Variants in MEI4 observed in about 807,000 individuals in gnomAD.
The protein encoded by MEI4 is meiotic double-stranded break formation protein 4, also known as meiosis-specific protein MEI4.
Under a neutral mutation model 31.4 loss-of-function variants are expected in MEI4, and 27 were observed. The ratio of observed to expected loss-of-function variants is 0.86; its 90% CI spans 0.63 to 1.19. The LOEUF is 1.19. Among genes scored for constraint, MEI4 ranks in the 50% most tolerant of loss-of-function variants. The probability of loss-of-function intolerance (pLI) is 0.00; values close to 1 mark genes in which losing one functional copy is unlikely to be tolerated. For missense variants in MEI4, 329 were observed against 398.9 expected, an observed-to-expected ratio of 0.82 and a Z score of 1.49; for synonymous variants, 122 against 145.4, an observed-to-expected ratio of 0.84 and a Z score of 1.16.
chr6:77,716,111 T>C (rs1766577345), intron 2 of MEI4, among the ~76,000 whole-genome samples: 1 of 152,188 alleles, frequency 6.6e-6, no homozygotes, highest in South Asian at 2.1e-4. Flanking sequence ...TGCAATACAC[T>C]GGCAAAACAG....
intron 3 of MEI4, among the ~76,000 whole-genome samples, chr6:77,826,973 T>G (rs1156560499): frequency 3.9e-5 from 6 of 152,142 alleles, no homozygotes; most frequent in Admixed American, 3.9e-4. Context: ...GGTAAACATA[T>G]AGGTCAAAAT....
chr6:77,659,602 C>G (rs929337534), intron 1 of MEI4, among the ~76,000 whole-genome samples: 6 of 151,888 alleles, frequency 4.0e-5, no homozygotes, highest in African/African-American at 1.2e-4. Context: ...TATAAGTAAA[C>G]GAGAAGAGGG....
intron 2 of MEI4, among the ~76,000 whole-genome samples, chr6:77,704,804 A>T (rs893848986): frequency 1.3e-5 from 2 of 152,176 alleles, no homozygotes; most frequent in Non-Finnish European, 2.9e-5. Flanking sequence ...TGAATGATTC[A>T]AACACCCAAG....
Position 77,804,156 on chromosome 6 carries a change from C to G in MEI4, c.769-24775C>G, listed in dbSNP as rs376177183. Among the ~76,000 whole-genome samples, 24 of 152,316 alleles carry G rather than the reference C, an allele frequency of 1.6e-4. No individual in the cohort carries two copies. The East Asian group carries it at 1.9e-3, about 12-fold the overall frequency. On this transcript the variant is annotated intron_variant, in intron 3 of 4. Coordinates refer to ENST00000684080, the MANE Select transcript of MEI4 (RefSeq NM_001322247.2). ...TTCCTGGTGGCTTTGTTTACCTACT[C>G]AAGCCTCAGCAATGGCGGACGCCCC...
intron 3 of MEI4, among the ~76,000 whole-genome samples, chr6:77,780,594 T>C (rs1383563203): frequency 6.6e-6 from 1 of 152,088 alleles, no homozygotes; most frequent in Non-Finnish European, 1.5e-5. Context: ...TCTTTGACCT[T>C]CTCCTGGTTT....
intron 4 of MEI4, among the ~76,000 whole-genome samples, chr6:77,836,807 A>G (rs1457631838): frequency 6.6e-6 from 1 of 152,124 alleles, no homozygotes; most frequent in Non-Finnish European, 1.5e-5. Context: ...TCAGTCAGCA[A>G]TCAATCCATC....
At chr6:77,746,155 C>A in intron 2 of MEI4, among the ~76,000 whole-genome samples, 1 of 152,124 alleles carries the variant, frequency 6.6e-6, no homozygotes. Context: ...ACACAAAAAA[C>A]CCTTCAAAAA....
Position 77,719,027 on chromosome 6 carries a change from T to A in MEI4, c.232+28124T>A, listed in dbSNP as rs1397764698. On this transcript the variant is annotated intron_variant, in intron 2 of 4. Coordinates refer to ENST00000684080, the MANE Select transcript of MEI4 (RefSeq NM_001322247.2). ...TCCTTTTTCTCCCCATTCCCAAGGG[T>A]AGAAAGACTGCAATTTTTTATGCTT... 6.1e-5 allele frequency among the ~76,000 whole-genome samples: 8 copies of A among 131,628 alleles called. 1 individual carries two copies. The South Asian group carries it at 1.2e-3, about 20-fold the overall frequency. The allele number at this position is 131,628 out of a possible 152,430, so 86.4% of individuals were successfully genotyped here.
At chr6:77,711,548 G>A (rs1766467287) in intron 2 of MEI4, among the ~76,000 whole-genome samples, 1 of 152,160 alleles carries the variant, frequency 6.6e-6, no homozygotes, top group African/African-American at 2.4e-5. Flanking sequence ...TTGAGAGCAT[G>A]AATGACAATG....
chr6:77,677,192 C>A (rs546057586), intron 1 of MEI4, among the ~76,000 whole-genome samples: 1 of 152,258 alleles, frequency 6.6e-6, no homozygotes, highest in East Asian at 1.9e-4. Context: ...TTTAAAACAA[C>A]CTTTCCTACT....
At chr6:77,822,242 C>T (rs1769843631) in intron 3 of MEI4, among the ~76,000 whole-genome samples, 1 of 152,136 alleles carries the variant, frequency 6.6e-6, no homozygotes. Context: ...CTTCATCTAA[C>T]AGGACAACCT....
chr6:77,865,756 G>A (rs1221009142), intron 4 of MEI4, among the ~76,000 whole-genome samples: 5 of 152,120 alleles, frequency 3.3e-5, no homozygotes, highest in Non-Finnish European at 7.4e-5. Flanking sequence ...TGATACCAAA[G>A]CCTGGCAGAG....
chr6:77,861,065 C>T lies in MEI4; in HGVS notation c.900+32003C>T, dbSNP rs113734469. Among the ~76,000 whole-genome samples, 787 of 152,270 alleles carry T rather than the reference C, an allele frequency of 5.2e-3. 7 individuals carry two copies. Among genetic ancestry groups the T allele is most frequent in the African/African-American group, 0.018 (768 of 41,542 alleles). On this transcript the variant is annotated intron_variant, in intron 4 of 4. Coordinates refer to ENST00000684080, the MANE Select transcript of MEI4 (RefSeq NM_001322247.2). ...GTCTGAGGTAGAATTTCTCCCAACCCCATCACCCTCATAGAAGTTATCTGA... is the reference window on the plus strand; with the variant it reads ...GTCTGAGGTAGAATTTCTCCCAACCTCATCACCCTCATAGAAGTTATCTGA...
intron 3 of MEI4, among the ~76,000 whole-genome samples, chr6:77,779,156 A>G (rs1440169168): frequency 2.6e-5 from 4 of 152,214 alleles, no homozygotes; most frequent in African/African-American, 7.2e-5. Context: ...TTTAGTGGTC[A>G]TGTAGAGATG....
At chr6:77,754,760 G>A (rs995922814) in intron 2 of MEI4, among the ~76,000 whole-genome samples, 8 of 152,162 alleles carry the variant, frequency 5.3e-5, no homozygotes, top group Non-Finnish European at 7.3e-5. Context: ...CATGGTGGAA[G>A]GGAAAGCAGG....
chr6:77,875,443 A>G (rs914168345), intron 4 of MEI4, among the ~76,000 whole-genome samples: 1 of 152,206 alleles, frequency 6.6e-6, no homozygotes, highest in Non-Finnish European at 1.5e-5. Flanking sequence ...TTGTTTAACA[A>G]TGGTTTTAGC....
intron 4 of MEI4, among the ~76,000 whole-genome samples, chr6:77,905,128 A>G (rs1163654965): frequency 6.6e-6 from 1 of 151,758 alleles, no homozygotes; most frequent in Non-Finnish European, 1.5e-5. Context: ...TTTATCTCTT[A>G]TTCATTTCTG....
At chr6:77,679,654 A>G (rs1283858569) in intron 1 of MEI4, among the ~76,000 whole-genome samples, 3 of 152,018 alleles carry the variant, frequency 2.0e-5, no homozygotes, top group Admixed American at 6.5e-5. Flanking sequence ...GGTGCTTGCT[A>G]CAAAGAAGAG....
At chr6:77,849,248 T>G (rs1016757929) in intron 4 of MEI4, among the ~76,000 whole-genome samples, 1 of 152,192 alleles carries the variant, frequency 6.6e-6, no homozygotes, top group African/African-American at 2.4e-5. Flanking sequence ...TGTTTTAATG[T>G]AGAGAACAAG....
Sources: allele counts gnomAD v4.1 joint callset (sites outside exome capture counted in the v4.1 genomes callset), GRCh38; gene constraint gnomAD v4.1.1; transcripts MANE v1.5; gene names NCBI Gene and HGNC (gene_info 2026-07-23, HGNC 2026-07-21).